PARD3B: variants seen among roughly 807,000 people sequenced by gnomAD.
PARD3B encodes partitioning defective 3 homolog B.
Under a neutral mutation model 130.2 loss-of-function variants are expected in PARD3B, and 103 were observed. The ratio of observed to expected loss-of-function variants is 0.79; its 90% CI spans 0.67 to 0.93. The LOEUF (loss-of-function observed/expected upper bound fraction) is 0.93. Ranked by LOEUF, PARD3B falls within the 40% of genes least tolerant of loss-of-function variation. The pLI is 0.00. For synonymous variants in PARD3B, 583 were observed against 553.2 expected (o/e 1.05, Z -0.76); for missense variants, 1,609 against 1,499.2 (o/e 1.07, Z -1.21).
At chr2:204,853,568 T>A (rs550330551) in intron 2 of PARD3B, among the ~76,000 whole-genome samples, 6 of 152,322 alleles carry the variant, frequency 3.9e-5, no homozygotes, top group African/African-American at 1.4e-4. Context: ...GAACTTCTTA[T>A]ATACACAAGC....
rs975795938 is a variant in PARD3B at position 204,805,956 on chromosome 2, A to G, written c.222+119674A>G. Among the ~76,000 whole-genome samples the G allele has an allele frequency of 3.3e-5, 5 of 152,172 alleles. No individual in the cohort carries two copies. In the East Asian group the frequency reaches 5.8e-4, roughly 18 times the overall value. ...ATATGGCAGACCCACAGCTACTATC[A>G]TATTATGAAACATTGATGTGAGAAA... On this transcript the variant is annotated intron_variant, in intron 2 of 22. Coordinates refer to ENST00000406610, the MANE Select transcript of PARD3B (RefSeq NM_001302769.2).
At chr2:204,997,972 A>ATG (rs1371357947) in intron 3 of PARD3B, among the ~76,000 whole-genome samples, 1 of 149,482 alleles carries the variant, frequency 6.7e-6, no homozygotes, top group Non-Finnish European at 1.5e-5. Context: ...GTATATATAT[A>ATG]TATGTGCATA....
chr2:205,520,092 TC>T (rs1050445411), intron 21 of PARD3B, among the ~76,000 whole-genome samples: 1 of 152,102 alleles, frequency 6.6e-6, no homozygotes, highest in African/African-American at 2.4e-5. Flanking sequence ...GTGTTTTTGT[TC>T]CTCCCCTAAC....
At chr2:204,818,590 T>G (rs995788164) in intron 2 of PARD3B, among the ~76,000 whole-genome samples, 1 of 152,194 alleles carries the variant, frequency 6.6e-6, no homozygotes, top group African/African-American at 2.4e-5. Flanking sequence ...ATTAATGCTA[T>G]TATAAATGCA....
intron 21 of PARD3B, among the ~76,000 whole-genome samples, chr2:205,537,807 T>C (rs2051932408): frequency 6.6e-6 from 1 of 152,242 alleles, no homozygotes; most frequent in African/African-American, 2.4e-5. Flanking sequence ...AAAATGCATA[T>C]TTCATATTTG....
At chr2:205,191,096 A>G (rs764906594) in intron 14 of PARD3B, among the ~76,000 whole-genome samples, 6 of 148,794 alleles carry the variant, frequency 4.0e-5, no homozygotes, top group Admixed American at 3.3e-4. Context: ...AAAAAAGGCT[A>G]CATAACCCTA....
chr2:205,032,592 A>G (rs1697503367), intron 3 of PARD3B, among the ~76,000 whole-genome samples: 1 of 152,112 alleles, frequency 6.6e-6, no homozygotes, highest in Non-Finnish European at 1.5e-5. Flanking sequence ...AGAAAAGCCT[A>G]GTTTCTGAGT....
chr2:204,853,043 A>C (rs933141563), intron 2 of PARD3B, among the ~76,000 whole-genome samples: 3 of 152,192 alleles, frequency 2.0e-5, no homozygotes, highest in Non-Finnish European at 1.5e-5. Context: ...TTATCAAAAT[A>C]TTCATGAATT....
intron 21 of PARD3B, among the ~76,000 whole-genome samples, chr2:205,539,121 T>C (rs1482569230): frequency 6.6e-6 from 1 of 152,176 alleles, no homozygotes; most frequent in Non-Finnish European, 1.5e-5. Flanking sequence ...TCATGCAGTT[T>C]CCAGTTAGAA....
chr2:205,310,719 C>CTTTTT (rs34032930), intron 18 of PARD3B, among the ~76,000 whole-genome samples: 2,860 of 82,520 alleles, frequency 0.035, 41 homozygotes, highest in Non-Finnish European at 0.039. Flanking sequence ...TTCTTTCTTT[C>CTTTTT]TTTTTTTTTT....
At chr2:205,093,374 G>A (rs1006565921) in intron 4 of PARD3B, among the ~76,000 whole-genome samples, 14 of 152,050 alleles carry the variant, frequency 9.2e-5, no homozygotes, top group African/African-American at 3.4e-4. Flanking sequence ...ACCAAGCAAG[G>A]CAGACAGACC....
chr2:205,338,293 C>T (rs1355686043), intron 18 of PARD3B, among the ~76,000 whole-genome samples: 1 of 151,842 alleles, frequency 6.6e-6, no homozygotes, highest in Non-Finnish European at 1.5e-5. Flanking sequence ...TTCTAAACTT[C>T]CCTTCCAATA....
intron 2 of PARD3B, among the ~76,000 whole-genome samples, chr2:204,961,072 G>C (rs562008275): frequency 5.3e-5 from 8 of 152,258 alleles, no homozygotes; most frequent in South Asian, 4.1e-4. Flanking sequence ...GGGATCAGCA[G>C]AACACGACGT....
intron 20 of PARD3B, among the ~76,000 whole-genome samples, chr2:205,485,590 G>A (rs1180214318): frequency 6.6e-6 from 1 of 152,154 alleles, no homozygotes; most frequent in African/African-American, 2.4e-5. Flanking sequence ...GAGTTCTCTT[G>A]ATATGAAGCA....
intron 2 of PARD3B, among the ~76,000 whole-genome samples, chr2:204,880,051 A>G (rs1034575719): frequency 4.6e-5 from 7 of 152,178 alleles, no homozygotes; most frequent in East Asian, 1.9e-4. Flanking sequence ...ACATAATGTA[A>G]CTGTTCTAAA....
At chr2:205,531,350 A>G (rs927635043) in intron 21 of PARD3B, among the ~76,000 whole-genome samples, 3 of 152,190 alleles carry the variant, frequency 2.0e-5, no homozygotes, top group Non-Finnish European at 4.4e-5. Context: ...GACAAAGGAA[A>G]CTGATAGCCT....
chr2:205,395,401 T>C (rs2045991564), intron 18 of PARD3B, among the ~76,000 whole-genome samples: 1 of 152,198 alleles, frequency 6.6e-6, no homozygotes, highest in South Asian at 2.1e-4. Context: ...CTTGCAGCAT[T>C]CTTTAAACTC....
intron 2 of PARD3B, among the ~76,000 whole-genome samples, chr2:204,836,711 C>CA (rs1014158490): frequency 1.3e-5 from 2 of 151,556 alleles, no homozygotes; most frequent in East Asian, 1.9e-4. Flanking sequence ...TACTATAGAG[C>CA]AAAAAAAATC....
chr2:205,150,315 A>C (rs1393121403), intron 10 of PARD3B, among the ~76,000 whole-genome samples: 2 of 150,808 alleles, frequency 1.3e-5, no homozygotes, highest in African/African-American at 4.9e-5. Flanking sequence ...AACCAGGAGA[A>C]TCCGAGGTCT....
Sources: gnomAD v4.1 joint callset for allele counts (sites outside exome capture counted in the v4.1 genomes callset) on GRCh38, gnomAD v4.1.1 for gene constraint, MANE v1.5 for transcripts, NCBI Gene and HGNC (gene_info 2026-07-23, HGNC 2026-07-21) for gene names.